Variants in DPP6 observed in about 807,000 individuals in gnomAD.
DPP6 encodes the protein A-type potassium channel modulatory protein DPP6.
DPP6 carries 69 observed loss-of-function variants against 122.6 expected under a neutral mutation model. That is an observed-to-expected ratio of 0.56 (90% confidence interval 0.46 to 0.69). DPP6 has a LOEUF of 0.69. DPP6 is among the 30% of genes least tolerant of loss of function. The pLI, the probability that DPP6 is intolerant of heterozygous loss-of-function variation, is 0.00. For missense variants in DPP6, 928 were observed against 1,116.9 expected, an observed-to-expected ratio of 0.83 and a Z score of 2.41; for synonymous variants, 418 against 433.1, an observed-to-expected ratio of 0.97 and a Z score of 0.43.
intron 3 of DPP6, among the ~76,000 whole-genome samples, chr7:154,517,970 A>G (rs767087131): frequency 1.3e-5 from 2 of 152,210 alleles, no homozygotes; most frequent in African/African-American, 4.8e-5. Context: ...ACCGATAGCT[A>G]TAAATTGAGC....
intron 1 of DPP6, among the ~76,000 whole-genome samples, chr7:154,321,784 CAAAAAAAAAA>C (rs1180440495): frequency 1.6e-5 from 1 of 63,062 alleles, no homozygotes; most frequent in Non-Finnish European, 3.6e-5. Context: ...GACTCTGTCT[CAAAAAAAAAA>C]AAAAAAAAAA....
chr7:154,277,127 C>T (rs982129550), intron 1 of DPP6, among the ~76,000 whole-genome samples: 1 of 152,168 alleles, frequency 6.6e-6, no homozygotes, highest in African/African-American at 2.4e-5. Context: ...CATGTTCAGA[C>T]CCAGCTAGGA....
At chr7:154,489,368 A>T (rs1824074496) in intron 3 of DPP6, among the ~76,000 whole-genome samples, 2 of 152,228 alleles carry the variant, frequency 1.3e-5, no homozygotes, top group African/African-American at 4.8e-5. Context: ...TCCCTTCGCA[A>T]GCTGAGTATT....
intron 1 of DPP6, among the ~76,000 whole-genome samples, chr7:154,370,910 G>T (rs554412671): frequency 6.6e-6 from 1 of 152,304 alleles, no homozygotes; most frequent in African/African-American, 2.4e-5. Context: ...CCTGACAGGT[G>T]TGGAAACACC....
At chr7:154,826,467 A>T (rs1402192091) in intron 16 of DPP6, among the ~76,000 whole-genome samples, 1 of 152,104 alleles carries the variant, frequency 6.6e-6, no homozygotes, top group Non-Finnish European at 1.5e-5. Flanking sequence ...AGTGGTTATT[A>T]TTTTACGGAC....
intron 1 of DPP6, among the ~76,000 whole-genome samples, chr7:153,897,787 A>G (rs1214088446): frequency 6.6e-6 from 1 of 152,196 alleles, no homozygotes; most frequent in Non-Finnish European, 1.5e-5. Flanking sequence ...TTGATTTGAT[A>G]GTCTTCATAC....
intron 12 of DPP6, among the ~76,000 whole-genome samples, chr7:154,800,975 G>A (rs904926446): frequency 6.6e-6 from 1 of 151,940 alleles, no homozygotes; most frequent in Non-Finnish European, 1.5e-5. Flanking sequence ...ATACACTCTG[G>A]TTTCAATGGG....
the DPP6 span, among the ~76,000 whole-genome samples, chr7:153,761,461 G>A: frequency 6.6e-6 from 1 of 152,298 alleles, no homozygotes; most frequent in South Asian, 2.1e-4. Context: ...ACTATGAAAT[G>A]AAAAGCTTGT....
At chr7:153,775,308 AT>A in the DPP6 span, among the ~76,000 whole-genome samples, 1 of 146,404 alleles carries the variant, frequency 6.8e-6, no homozygotes, top group Admixed American at 6.9e-5. Context: ...GATTATTGCA[AT>A]AGACACAAAA....
chr7:154,222,438 C>T (rs549934774), intron 1 of DPP6, among the ~76,000 whole-genome samples: 4,485 of 142,232 alleles, frequency 0.032, 246 homozygotes, highest in African/African-American at 0.086. Flanking sequence ...GGCGGATCAC[C>T]TGAGGTCAGG....
At chr7:154,697,423 T>C (rs984142898) in intron 7 of DPP6, among the ~76,000 whole-genome samples, 1 of 152,212 alleles carries the variant, frequency 6.6e-6, no homozygotes, top group Non-Finnish European at 1.5e-5. Context: ...CAGCACCCTG[T>C]GCACTCAGGC....
intron 1 of DPP6, among the ~76,000 whole-genome samples, chr7:153,961,826 C>T (rs1239886589): frequency 6.5e-5 from 5 of 76,380 alleles, no homozygotes; most frequent in Non-Finnish European, 1.1e-4. Flanking sequence ...GTAGGGTTTG[C>T]ACTCCTATGA....
At chr7:154,177,963 C>T (rs758986373) in intron 1 of DPP6, among the ~76,000 whole-genome samples, 2 of 152,118 alleles carry the variant, frequency 1.3e-5, no homozygotes, top group Non-Finnish European at 1.5e-5. Context: ...GAGGCAGGAA[C>T]ATTGTGGCCC....
intron 1 of DPP6, among the ~76,000 whole-genome samples, chr7:153,963,589 G>A (rs1337105701): frequency 2.0e-5 from 3 of 149,272 alleles, no homozygotes; most frequent in Non-Finnish European, 4.4e-5. Flanking sequence ...CTGCACAGGA[G>A]GTGAGCAGCA....
At position 154,163,562 on chromosome 7, in the gene DPP6, C is replaced by T. The variant is rs890608682; in HGVS notation, c.243+110499C>T. Among the ~76,000 whole-genome samples, 5 of 152,222 alleles carry T rather than the reference C, an allele frequency of 3.3e-5. No individual in the cohort carries two copies. In the East Asian group the frequency reaches 5.8e-4, roughly 18 times the overall value. On this transcript the variant is annotated intron_variant, in intron 1 of 25. Coordinates refer to ENST00000377770, the MANE Select transcript of DPP6 (RefSeq NM_130797.4). Reference sequence around the variant, plus strand: ...TCAAAACTAATTTGCAAGATGTATACGCACTGTAGTTCAAATGTAAATCAT... The same window carrying T: ...TCAAAACTAATTTGCAAGATGTATATGCACTGTAGTTCAAATGTAAATCAT...
chr7:154,528,516 G>A (rs1295273699), intron 3 of DPP6, among the ~76,000 whole-genome samples: 11 of 152,054 alleles, frequency 7.2e-5, no homozygotes, highest in Non-Finnish European at 1.6e-4. Flanking sequence ...TGGATATTTG[G>A]TGACTTAGAC....
At chr7:154,134,840 T>C (rs556096925) in intron 1 of DPP6, among the ~76,000 whole-genome samples, 20 of 152,070 alleles carry the variant, frequency 1.3e-4, no homozygotes, top group Middle Eastern at 3.4e-3. Context: ...TGTGATCATA[T>C]ATTTCCTGTG....
At chr7:153,888,526 G>A (rs915590989) in intron 1 of DPP6, among the ~76,000 whole-genome samples, 3 of 152,222 alleles carry the variant, frequency 2.0e-5, no homozygotes, top group Admixed American at 6.5e-5. Context: ...TCGGGCTCAC[G>A]TTAGTCCGGG....
At chr7:153,917,830 A>C (rs1260528245) in intron 1 of DPP6, among the ~76,000 whole-genome samples, 1 of 152,210 alleles carries the variant, frequency 6.6e-6, no homozygotes, top group Non-Finnish European at 1.5e-5. Flanking sequence ...AAAAGTATAC[A>C]TTACTTTTAT....
Sources: allele counts gnomAD v4.1 joint callset (sites outside exome capture counted in the v4.1 genomes callset), GRCh38; gene constraint gnomAD v4.1.1; transcripts MANE v1.5; gene names NCBI Gene and HGNC (gene_info 2026-07-23, HGNC 2026-07-21).